Variants in PCLO observed in about 807,000 individuals in gnomAD.
The protein encoded by PCLO is protein piccolo.
A neutral mutation model predicts 427.5 loss-of-function variants in PCLO; 82 were observed. The ratio of observed to expected loss-of-function variants is 0.19; its 90% confidence interval spans 0.16 to 0.23. PCLO has a LOEUF of 0.23. Ranked by LOEUF, PCLO falls within the 10% of genes least tolerant of loss-of-function variation. PCLO has a pLI of 1.00. For synonymous variants in PCLO, 2,357 were observed against 2,155.4 expected (o/e 1.09, Z -2.59); for missense variants, 6,239 against 6,115.9 (o/e 1.02, Z -0.67).
At chr7:82,762,630 T>A (rs1790453958) in intron 22 of PCLO, among the ~76,000 whole-genome samples, 1 of 128,662 alleles carries the variant, frequency 7.8e-6, no homozygotes, top group Non-Finnish European at 1.6e-5. Context: ...TATTTAAAAA[T>A]ATTTATTAAT....
intron 3 of PCLO, among the ~76,000 whole-genome samples, chr7:83,053,638 A>G (rs1163428143): frequency 1.3e-5 from 2 of 151,946 alleles, no homozygotes; most frequent in Non-Finnish European, 2.9e-5. Context: ...GACATTGACC[A>G]GGGAATTGAG....
intron 2 of PCLO, among the ~76,000 whole-genome samples, chr7:83,137,276 G>A (rs932229435): frequency 6.6e-6 from 1 of 152,120 alleles, no homozygotes; most frequent in African/African-American, 2.4e-5. Flanking sequence ...GGCTTATTTT[G>A]CACTCTCACG....
chr7:82,991,546 A>C (rs1027269840), intron 3 of PCLO, among the ~76,000 whole-genome samples: 9 of 152,098 alleles, frequency 5.9e-5, no homozygotes, highest in Non-Finnish European at 1.2e-4. Context: ...TGAGATAACA[A>C]TATATTTAAA....
chr7:82,822,701 A>T lies in PCLO; in HGVS notation c.14597-12T>A. Reference sequence around the variant, plus strand: ...GGGAACCTGCATGTCTGGTCACAAAAGGGTAAAACATGAGTTAAAGTTGTT... The same window carrying T: ...GGGAACCTGCATGTCTGGTCACAAATGGGTAAAACATGAGTTAAAGTTGTT... On this transcript the variant is annotated splice_polypyrimidine_tract_variant and intron_variant, in intron 19 of 24. Coordinates refer to ENST00000333891, the MANE Select transcript of PCLO (RefSeq NM_033026.6). 6.2e-7 allele frequency: 1 copy of T among 1,610,270 alleles called. No individual in the cohort carries two copies. The highest frequency in any genetic ancestry group is 2.2e-5 in the East Asian group (1 of 44,872).
Position 83,155,757 on chromosome 7 carries a change from T to C in PCLO, c.884A>G (p.Lys295Arg), listed in dbSNP as rs1335175574. Residue 295 changes from lysine to arginine, a missense_variant, in exon 2 of 25, where the codon AAA becomes AGA. Transcript: ENST00000333891. ...TTTGGATGGGCTTGGCAGTGAGGGT[T>C]TAACTGATTCTCCCCTTACTATGTC... is the stretch of plus-strand genomic sequence containing the variant. Reference protein sequence around the residue: ...QADIVRGESVKPSLPSPSKPP... With the variant: ...QADIVRGESVRPSLPSPSKPP... 1 of 1,613,948 alleles carries C rather than the reference T, an allele frequency of 6.2e-7. No homozygotes were observed. The highest frequency in any genetic ancestry group is 1.1e-5 in the South Asian group (1 of 91,082).
intron 2 of PCLO, among the ~76,000 whole-genome samples, chr7:83,145,240 C>T (rs1043250827): frequency 6.6e-6 from 1 of 152,020 alleles, no homozygotes; most frequent in African/African-American, 2.4e-5. Flanking sequence ...TCACAGCTTT[C>T]TTAGAGAACA....
intron 3 of PCLO, among the ~76,000 whole-genome samples, chr7:82,989,150 T>C (rs1796320787): frequency 6.6e-6 from 1 of 152,150 alleles, no homozygotes; most frequent in African/African-American, 2.4e-5. Context: ...AAACCACATG[T>C]AGATCTTTCT....
rs1406184981 is a variant in PCLO, at chr7:82,955,578, T to C, written c.5375A>G (p.Gln1792Arg). 6.2e-7 allele frequency: 1 copy of C among 1,613,996 alleles called. No homozygotes were observed. The highest frequency in any genetic ancestry group is 1.3e-5 in the African/African-American group (1 of 75,050). ...TCTTTGTTGCTGTTCTATTTCCCTC[T>C]GCTTTTCTTGCTCCTTTAATAATTC... ...EEELLKEQEKQREIEQQQRKS... is the reference protein window; with the variant it reads ...EEELLKEQEKRREIEQQQRKS... The change falls in exon 5 of 25, where the codon CAG (glutamine) becomes CGG (arginine). Residue 1792 changes from glutamine (Q) to arginine (R), a missense_variant. Gln to Arg is a conservative substitution (Grantham distance 43). This residue lies in a region of PCLO where 4,677 missense variants were observed against 4,468.4 expected (regional missense o/e 1.05). Coordinates refer to ENST00000333891, the MANE Select transcript of PCLO (RefSeq NM_033026.6).
At chr7:83,112,150 C>T (rs899397590) in intron 3 of PCLO, among the ~76,000 whole-genome samples, 3 of 152,072 alleles carry the variant, frequency 2.0e-5, no homozygotes, top group Non-Finnish European at 2.9e-5. Flanking sequence ...CTCTGCTTCC[C>T]GGGTTCAAGC....
chr7:82,992,550 G>A (rs963684341), intron 3 of PCLO, among the ~76,000 whole-genome samples: 1 of 151,972 alleles, frequency 6.6e-6, no homozygotes, highest in African/African-American at 2.4e-5. Flanking sequence ...TCCTACTTAT[G>A]AGTGAGAACA....
intron 7 of PCLO, chr7:82,914,330 T>C (rs1794392401): frequency 2.1e-6 from 1 of 469,614 alleles, no homozygotes; most frequent in Non-Finnish European, 3.7e-6. Context: ...AAATATATTT[T>C]TAAAAATGAA....
At chr7:82,941,926 C>T (rs1795096092) in intron 6 of PCLO, among the ~76,000 whole-genome samples, 3 of 152,140 alleles carry the variant, frequency 2.0e-5, no homozygotes, top group African/African-American at 7.2e-5. Flanking sequence ...TGCCTGTAAT[C>T]CCAACACTTT....
At chr7:82,972,109 A>T (rs1291972488) in intron 3 of PCLO, among the ~76,000 whole-genome samples, 2 of 151,976 alleles carry the variant, frequency 1.3e-5, no homozygotes. Flanking sequence ...TGACAAGTAG[A>T]ATATGTAAAA....
rs1159888446 is a variant in PCLO, at chr7:83,160,016, C to T, written c.248+2329G>A. Among the ~76,000 whole-genome samples the T allele has an allele frequency of 2.0e-5, 3 of 152,162 alleles. No homozygotes were observed. In the East Asian group the frequency reaches 5.8e-4, roughly 29 times the overall value. ...AAAGAAAACTGACACATCAAAATAACCCAAAAACAATGTACAATTCAACAA... is the reference window on the plus strand; with the variant it reads ...AAAGAAAACTGACACATCAAAATAATCCAAAAACAATGTACAATTCAACAA... On this transcript the variant is annotated intron_variant, in intron 1 of 24. Coordinates refer to ENST00000333891, the MANE Select transcript of PCLO (RefSeq NM_033026.6).
intron 3 of PCLO, among the ~76,000 whole-genome samples, chr7:82,968,683 C>T (rs1795834985): frequency 6.6e-6 from 1 of 151,940 alleles, no homozygotes; most frequent in African/African-American, 2.4e-5. Flanking sequence ...CCATACCCAG[C>T]TATTTTTTGC....
Position 82,953,816 on chromosome 7 carries a change from G to T in PCLO, c.7137C>A (p.Gly2379=). The T allele has an allele frequency of 6.2e-7, 1 of 1,609,182 alleles. No individual in the cohort carries two copies. The highest frequency in any genetic ancestry group is 2.2e-5 in the East Asian group (1 of 44,698). Residue 2379 remains glycine, a synonymous_variant, in exon 5 of 25, where the codon GGC becomes GGA. Coordinates refer to ENST00000333891, the MANE Select transcript of PCLO (RefSeq NM_033026.6). Reference sequence around the variant, plus strand: ...CTGGAAGAGAGGAAACAGAAGGACTGCCAGATGGTAACTGAGATGCAGGTT... The same window carrying T: ...CTGGAAGAGAGGAAACAGAAGGACTTCCAGATGGTAACTGAGATGCAGGTT... ...QEKPASQLPS[G]SPSVSSLPAK...
At chr7:82,892,583 T>C (rs1243952035) in intron 9 of PCLO, among the ~76,000 whole-genome samples, 1 of 151,586 alleles carries the variant, frequency 6.6e-6, no homozygotes, top group Non-Finnish European at 1.5e-5. Context: ...AAATGGGATC[T>C]AATTAAACTA....
At position 82,956,516 on chromosome 7, in the gene PCLO, A is replaced by T. The variant is rs1795525705; in HGVS notation, c.4437T>A (p.Phe1479Leu). The T allele has an allele frequency of 1.2e-6, 2 of 1,612,594 alleles. No homozygotes were observed. The highest frequency in any genetic ancestry group is 8.5e-7 in the Non-Finnish European group (1 of 1,179,632). Residue 1479 changes from phenylalanine (F) to leucine (L), a missense_variant, in exon 5 of 25, where the codon TTT (phenylalanine) becomes TTA (leucine). Physicochemically the swap from Phe to Leu is conservative, Grantham distance 22. This residue lies in a region of PCLO where 4,677 missense variants were observed against 4,468.4 expected (regional missense o/e 1.05). Transcript: ENST00000333891. ...KESQEERKDTFKKDSQQDIPS... is the reference protein window; with the variant it reads ...KESQEERKDTLKKDSQQDIPS... The stretch of plus-strand genomic sequence containing the variant: ...GAATATCTTGTTGGCTATCTTTTTT[A>T]AAAGTGTCTTTCCTTTCTTCTTGAC...
At chr7:82,978,175 C>T (rs548830513) in intron 3 of PCLO, among the ~76,000 whole-genome samples, 2 of 150,380 alleles carry the variant, frequency 1.3e-5, no homozygotes, top group East Asian at 2.0e-4. Context: ...CCCACCCCCC[C>T]GGCAAAAACT....
Sources: gnomAD v4.1 joint callset for allele counts (sites outside exome capture counted in the v4.1 genomes callset) on GRCh38, gnomAD v4.1.1 for gene constraint, gnomAD v4.1.1 regional missense constraint, MANE v1.5 for transcripts, NCBI Gene and HGNC (gene_info 2026-07-23, HGNC 2026-07-21) for gene names.